THSD7B: variants seen among roughly 807,000 people sequenced by gnomAD.
THSD7B encodes thrombospondin type 1 domain containing 7B.
A neutral mutation model predicts 213.6 loss-of-function variants in THSD7B; 138 were observed. The ratio of observed to expected loss-of-function variants is 0.65; its 90% CI spans 0.56 to 0.74. THSD7B has a LOEUF of 0.74. Ranked by LOEUF, THSD7B falls within the 30% of genes least tolerant of loss-of-function variation. The pLI is 0.00. For synonymous variants in THSD7B, 742 were observed against 687.0 expected (o/e 1.08, Z -1.25); for missense variants, 1,931 against 1,991.5 (o/e 0.97, Z 0.58).
intron 17 of THSD7B, among the ~76,000 whole-genome samples, chr2:137,581,123 G>A (rs1020121478): frequency 2.2e-4 from 34 of 151,996 alleles, no homozygotes; most frequent in African/African-American, 8.2e-4. Context: ...CTTTTTAAAT[G>A]TATGTATATA....
At chr2:137,669,984 T>TTATA (rs148613452) in intron 27 of THSD7B, among the ~76,000 whole-genome samples, 4 of 151,720 alleles carry the variant, frequency 2.6e-5, no homozygotes, top group East Asian at 1.9e-4. Context: ...TCTAGAGCAT[T>TTATA]TATATATATA....
intron 7 of THSD7B, among the ~76,000 whole-genome samples, chr2:137,181,908 G>T (rs1245017209): frequency 6.6e-6 from 1 of 152,086 alleles, no homozygotes; most frequent in Non-Finnish European, 1.5e-5. Flanking sequence ...TTACATAAAT[G>T]ATTTTAATTA....
At chr2:137,316,958 G>A (rs1446078293) in intron 12 of THSD7B, among the ~76,000 whole-genome samples, 1 of 152,042 alleles carries the variant, frequency 6.6e-6, no homozygotes, top group Non-Finnish European at 1.5e-5. Flanking sequence ...GGTAGGTTCT[G>A]ACATAATCTG....
intron 19 of THSD7B, 64 bp downstream of exon 19, chr2:137,618,571 TC>T: frequency 7.2e-7 from 1 of 1,385,464 alleles, no homozygotes; most frequent in Non-Finnish European, 1.0e-6. Flanking sequence ...GGTCTGCAGT[TC>T]CATGATGTCC....
At chr2:137,528,676 A>G (rs1680324747) in intron 15 of THSD7B, among the ~76,000 whole-genome samples, 1 of 152,060 alleles carries the variant, frequency 6.6e-6, no homozygotes, top group Non-Finnish European at 1.5e-5. Flanking sequence ...TAATTCCCTT[A>G]GATTTCCTGT....
intron 1 of THSD7B, among the ~76,000 whole-genome samples, chr2:136,864,113 T>C (rs1256417992): frequency 6.6e-6 from 1 of 152,176 alleles, no homozygotes; most frequent in African/African-American, 2.4e-5. Flanking sequence ...CGCAGATTAT[T>C]TTCCTTCCTG....
chr2:137,555,821 G>C (rs184412281), intron 15 of THSD7B, among the ~76,000 whole-genome samples: 1 of 152,158 alleles, frequency 6.6e-6, no homozygotes, highest in Non-Finnish European at 1.5e-5. Flanking sequence ...TGGCTAGCTA[G>C]AATAACCAAT....
intron 12 of THSD7B, among the ~76,000 whole-genome samples, chr2:137,386,300 G>A (rs1187634134): frequency 2.6e-5 from 4 of 152,134 alleles, no homozygotes; most frequent in Non-Finnish European, 4.4e-5. Flanking sequence ...TTTCATCTGT[G>A]TATCTTAGGC....
chr2:137,592,012 A>G (rs912941143), intron 17 of THSD7B, among the ~76,000 whole-genome samples: 3 of 151,716 alleles, frequency 2.0e-5, no homozygotes, highest in African/African-American at 7.2e-5. Context: ...AGGAGTATTT[A>G]AAATCTATTT....
chr2:136,862,769 C>T (rs960960294), intron 1 of THSD7B, among the ~76,000 whole-genome samples: 2 of 152,224 alleles, frequency 1.3e-5, no homozygotes, highest in Non-Finnish European at 2.9e-5. Flanking sequence ...ATGTCTACTT[C>T]TTCCTCCTGA....
At position 137,141,689 on chromosome 2, in the gene THSD7B, G is replaced by A. The variant is rs1035998805; in HGVS notation, c.1370-18524G>A. On this transcript the variant is annotated intron_variant, in intron 5 of 27. Coordinates refer to ENST00000409968, the MANE Select transcript of THSD7B (RefSeq NM_001316349.2). The stretch of plus-strand genomic sequence containing the variant: ...CCCCTGTGTGTGTGTATGTGCGTGT[G>A]TGTGTGTGTGTGTGTTTGTATCTTC... 4.5e-3 allele frequency among the ~76,000 whole-genome samples: 93 copies of A among 20,776 alleles called. 1 individual carries two copies. The highest frequency in any genetic ancestry group is 0.02 in the Admixed American group (31 of 1,552). The allele number at this position is 20,776 out of a possible 152,430, so 13.6% of individuals were successfully genotyped here. A position where few individuals can be genotyped will look rare whatever the true frequency, so the allele number is the denominator to read the frequency against.
chr2:137,273,564 G>C lies in THSD7B; in HGVS notation c.2396+902G>C, dbSNP rs1682800596. 2.6e-5 allele frequency among the ~76,000 whole-genome samples: 4 copies of C among 152,158 alleles called. No individual in the cohort carries two copies. In the South Asian group the frequency reaches 8.3e-4, roughly 32 times the overall value. On this transcript the variant is annotated intron_variant, in intron 11 of 27. Coordinates refer to ENST00000409968, the MANE Select transcript of THSD7B (RefSeq NM_001316349.2). ...TGTCCCGTGTTTCTGCTAATTATTT[G>C]AGAAACTAAACCTAAAGCTGTGAAA...
intron 10 of THSD7B, among the ~76,000 whole-genome samples, chr2:137,242,972 C>A (rs1339876614): frequency 6.6e-6 from 1 of 152,088 alleles, no homozygotes. Context: ...ATACAATGCT[C>A]ACATCACTGA....
At chr2:137,583,417 C>T (rs1681631821) in intron 17 of THSD7B, among the ~76,000 whole-genome samples, 1 of 152,140 alleles carries the variant, frequency 6.6e-6, no homozygotes. Flanking sequence ...CTTGCCCATG[C>T]CTATGTCCTG....
At chr2:137,662,060 T>TTA (rs1369194276) in intron 25 of THSD7B, among the ~76,000 whole-genome samples, 2 of 147,514 alleles carry the variant, frequency 1.4e-5, no homozygotes, top group African/African-American at 5.1e-5. Flanking sequence ...GTTTTCTTTT[T>TTA]TCTTTTTTTT....
At chr2:137,675,164 G>T (rs1245142598) in intron 27 of THSD7B, among the ~76,000 whole-genome samples, 2 of 151,974 alleles carry the variant, frequency 1.3e-5, no homozygotes, top group Non-Finnish European at 2.9e-5. Flanking sequence ...GCTACCAGGG[G>T]CTGAGAGCAG....
chr2:137,256,119 T>A lies in THSD7B; in HGVS notation c.2266+13547T>A, dbSNP rs553779333. ...ACTAGAATGGAAGTTCCATGTCTTG[T>A]TCTCTGCTGAAACATGTTGAATGGT... On this transcript the variant is annotated intron_variant, in intron 10 of 27. Coordinates refer to ENST00000409968, the MANE Select transcript of THSD7B (RefSeq NM_001316349.2). Among the ~76,000 whole-genome samples, 21 of 152,296 alleles carry A rather than the reference T, an allele frequency of 1.4e-4. No homozygotes were observed. In the East Asian group the frequency reaches 3.7e-3, roughly 27 times the overall value.
chr2:137,372,323 C>CTT (rs55635315), intron 12 of THSD7B, among the ~76,000 whole-genome samples: 14,738 of 57,488 alleles, frequency 0.26, 4,119 homozygotes, highest in Non-Finnish European at 0.38. Context: ...TGATAATACT[C>CTT]TTTTTTTTTT....
intron 2 of THSD7B, among the ~76,000 whole-genome samples, chr2:137,011,878 T>C (rs1686236546): frequency 6.6e-6 from 1 of 152,198 alleles, no homozygotes. Context: ...AATCCATCAT[T>C]GTTTGTTAAA....
Sources: gnomAD v4.1 joint callset for allele counts (sites outside exome capture counted in the v4.1 genomes callset) on GRCh38, gnomAD v4.1.1 for gene constraint, MANE v1.5 for transcripts, NCBI Gene and HGNC (gene_info 2026-07-23, HGNC 2026-07-21) for gene names.